ZNF721: variants seen among roughly 807,000 people sequenced by gnomAD.
ZNF721 encodes zinc finger protein 721.
In ZNF721, 2 loss-of-function variants were observed where a neutral mutation model predicts 2.4. That is an observed-to-expected ratio of 0.82 (90% CI 0.34 to 2.58). The LOEUF (loss-of-function observed/expected upper bound fraction) is 2.58. ZNF721 is among the 30% of genes most tolerant of loss of function. ZNF721 has a pLI of 0.11. For synonymous variants in ZNF721, 398 were observed against 381.8 expected, an observed-to-expected ratio of 1.04 and a Z score of -0.50; for missense variants, 1,187 against 1,085.5, an observed-to-expected ratio of 1.09 and a Z score of -1.31.
chr4:469,564 A>T (rs191785098), intron 2 of ZNF721, among the ~76,000 whole-genome samples: 15 of 152,352 alleles, frequency 9.8e-5, no homozygotes, highest in Admixed American at 8.5e-4. Flanking sequence ...TTTCACAGTA[A>T]TAGAAAACAC....
At chr4:467,162 A>G (rs982061635) in intron 2 of ZNF721, among the ~76,000 whole-genome samples, 10 of 152,114 alleles carry the variant, frequency 6.6e-5, no homozygotes, top group African/African-American at 1.9e-4. Context: ...GCTTGCAGTG[A>G]GCCGAGATTG....
intron 1 of ZNF721, among the ~76,000 whole-genome samples, chr4:497,022 G>A (rs1172360904): frequency 1.3e-5 from 2 of 151,852 alleles, no homozygotes; most frequent in Non-Finnish European, 2.9e-5. Flanking sequence ...TATGACTTCT[G>A]AACGCTCTAA....
chr4:464,781 T>A (rs1715188712), intron 2 of ZNF721, among the ~76,000 whole-genome samples: 2 of 151,990 alleles, frequency 1.3e-5, no homozygotes, highest in South Asian at 2.1e-4. Context: ...AGTCTTTTTT[T>A]AAAAAGCAGC....
At chr4:456,314 C>A (rs1424315599) in intron 2 of ZNF721, among the ~76,000 whole-genome samples, 1 of 152,122 alleles carries the variant, frequency 6.6e-6, no homozygotes, top group Non-Finnish European at 1.5e-5. Context: ...AGGTGATCCA[C>A]CCGCCTCAGC....
intron 1 of ZNF721, among the ~76,000 whole-genome samples, chr4:485,239 G>A (rs1222060227): frequency 1.3e-5 from 2 of 152,026 alleles, no homozygotes; most frequent in African/African-American, 2.4e-5. Context: ...AATATTCCAA[G>A]GTATTTATTC....
At chr4:495,974 G>A (rs1553872152) in intron 1 of ZNF721, among the ~76,000 whole-genome samples, 3 of 152,164 alleles carry the variant, frequency 2.0e-5, no homozygotes, top group Admixed American at 6.6e-5. Context: ...TATTTCGGCC[G>A]GACAGAATGC....
chr4:482,234 G>C (rs1715788308), intron 1 of ZNF721, among the ~76,000 whole-genome samples: 1 of 152,146 alleles, frequency 6.6e-6, no homozygotes, highest in South Asian at 2.1e-4. Flanking sequence ...CGCCATCCCG[G>C]CTCACTGCAA....
chr4:444,514 T>C, intron 2 of ZNF721, 82 bp from the exon 3 acceptor site: 1 of 1,328,780 alleles, frequency 7.5e-7, no homozygotes. Flanking sequence ...TTATACAAAG[T>C]ACGCTAGTAA....
chr4:460,124 A>C (rs1274031410), intron 2 of ZNF721, among the ~76,000 whole-genome samples: 2 of 152,182 alleles, frequency 1.3e-5, no homozygotes, highest in African/African-American at 4.8e-5. Context: ...TCTCCACCCC[A>C]AATCAATAGA....
At chr4:454,393 C>T (rs1412298187) in intron 2 of ZNF721, among the ~76,000 whole-genome samples, 3 of 152,192 alleles carry the variant, frequency 2.0e-5, no homozygotes, top group Admixed American at 1.3e-4. Context: ...TAGCACTGGA[C>T]TTATGTTGTT....
chr4:484,792 G>A (rs1553869990), intron 1 of ZNF721, among the ~76,000 whole-genome samples: 1 of 152,174 alleles, frequency 6.6e-6, no homozygotes, highest in East Asian at 1.9e-4. Flanking sequence ...CTGGCCCTGT[G>A]GTCCTGTGAT....
chr4:469,019 A>G (rs1201328135), intron 2 of ZNF721, among the ~76,000 whole-genome samples: 3 of 152,236 alleles, frequency 2.0e-5, no homozygotes, highest in African/African-American at 7.2e-5. Context: ...GAAACCCTAG[A>G]GTAGAATAAC....
At chr4:482,061 G>A (rs372345363) in intron 1 of ZNF721, among the ~76,000 whole-genome samples, 2 of 152,164 alleles carry the variant, frequency 1.3e-5, no homozygotes, top group Admixed American at 6.5e-5. Context: ...ACCGAATTTT[G>A]GGCGAGTCAG....
At chr4:467,389 A>C (rs1187172300) in intron 2 of ZNF721, among the ~76,000 whole-genome samples, 1 of 152,268 alleles carries the variant, frequency 6.6e-6, no homozygotes, top group African/African-American at 2.4e-5. Flanking sequence ...TAAGACACTA[A>C]CAAAGTGACA....
At chr4:465,704 G>C (rs1576963241) in intron 2 of ZNF721, among the ~76,000 whole-genome samples, 1 of 151,456 alleles carries the variant, frequency 6.6e-6, no homozygotes, top group Non-Finnish European at 1.5e-5. Context: ...AAAGTGCTGG[G>C]ATTACAGGCG....
chr4:473,994 C>T (rs1715549723), intron 1 of ZNF721: 5 of 1,506,216 alleles, frequency 3.3e-6, no homozygotes, highest in Non-Finnish European at 4.5e-6. Flanking sequence ...TTCTCAGCTT[C>T]AAGGGTGTCG....
chr4:441,774 C>T lies in ZNF721; in HGVS notation c.2693G>A (p.Cys898Tyr). Residue 898 changes from cysteine (C) to tyrosine (Y), a missense_variant, in exon 3 of 3, where the codon TGT becomes TAT. By Grantham distance (194) the Cys-to-Tyr change is radical. Transcript: ENST00000511833. ...TGCAGACTGTCTAAAGGTTTTGCCA[C>T]AGTCTCCACACGTGTAGGGTTTCTC... ...TGEKPYTCGD[C>Y]GKTFRQSANL... 3 of 1,613,598 alleles carry T rather than the reference C, an allele frequency of 1.9e-6. No homozygotes were observed. The highest frequency in any genetic ancestry group is 1.1e-5 in the South Asian group (1 of 91,006).
chr4:464,050 TAAAG>T (rs1402560436), intron 2 of ZNF721, among the ~76,000 whole-genome samples: 1 of 152,094 alleles, frequency 6.6e-6, no homozygotes, highest in Non-Finnish European at 1.5e-5. Flanking sequence ...TCAATTATAA[TAAAG>T]AGAAATCATT....
intron 2 of ZNF721, among the ~76,000 whole-genome samples, chr4:471,066 AAAC>A (rs1715417861): frequency 6.6e-6 from 1 of 152,158 alleles, no homozygotes; most frequent in African/African-American, 2.4e-5. Context: ...ATTCAAAGCA[AAAC>A]AATAATAATG....
Sources: gnomAD v4.1 joint callset for allele counts (sites outside exome capture counted in the v4.1 genomes callset) on GRCh38, gnomAD v4.1.1 for gene constraint, MANE v1.5 for transcripts, NCBI Gene and HGNC (gene_info 2026-07-23, HGNC 2026-07-21) for gene names.